The following CNTN5 variants were observed in gnomAD, a reference collection of about 807,000 sequenced individuals.
CNTN5 encodes contactin 5.
In CNTN5, 77 loss-of-function variants were observed where a neutral mutation model predicts 129.1. The ratio of observed to expected loss-of-function variants is 0.60; its 90% CI spans 0.50 to 0.72. The LOEUF is 0.72. Ranked by LOEUF, CNTN5 falls within the 30% of genes least tolerant of loss-of-function variation. The pLI is 0.00. For synonymous variants in CNTN5, 509 were observed against 465.6 expected (o/e 1.09, Z -1.20); for missense variants, 1,478 against 1,328.8 (o/e 1.11, Z -1.75).
intron 13 of CNTN5, among the ~76,000 whole-genome samples, chr11:100,158,673 A>C (rs1947338101): frequency 6.6e-6 from 1 of 151,876 alleles, no homozygotes; most frequent in Non-Finnish European, 1.5e-5. Context: ...CCAAATTAGG[A>C]AACATTTTAA....
At chr11:100,182,850 T>G (rs111723197) in intron 13 of CNTN5, among the ~76,000 whole-genome samples, 4,711 of 152,060 alleles carry the variant, frequency 0.031, 244 homozygotes, top group African/African-American at 0.11. Context: ...TGCCACAGAC[T>G]GGTAGAAAAT....
chr11:99,651,934 T>G (rs1477362572), intron 3 of CNTN5, among the ~76,000 whole-genome samples: 2 of 152,092 alleles, frequency 1.3e-5, no homozygotes, highest in African/African-American at 2.4e-5. Context: ...GAATGAAATT[T>G]ACTGACTACA....
intron 9 of CNTN5, among the ~76,000 whole-genome samples, chr11:100,042,586 C>T (rs755049560): frequency 1.3e-5 from 2 of 152,190 alleles, no homozygotes; most frequent in African/African-American, 4.8e-5. Flanking sequence ...TCTGCCTTGA[C>T]AGATTCTACA....
At chr11:99,382,323 A>G (rs1940616298) in intron 2 of CNTN5, among the ~76,000 whole-genome samples, 1 of 152,138 alleles carries the variant, frequency 6.6e-6, no homozygotes, top group South Asian at 2.1e-4. Context: ...ATGACCTAGA[A>G]GTGAAATCTG....
At chr11:100,228,885 G>A (rs1223179695) in intron 16 of CNTN5, among the ~76,000 whole-genome samples, 1 of 152,190 alleles carries the variant, frequency 6.6e-6, no homozygotes, top group African/African-American at 2.4e-5. Flanking sequence ...AAGCAGAGCT[G>A]TGGGGCTGGA....
chr11:99,252,939 C>A (rs1862186354), intron 1 of CNTN5, among the ~76,000 whole-genome samples: 2 of 133,774 alleles, frequency 1.5e-5, no homozygotes, highest in South Asian at 5.0e-4. Flanking sequence ...GATGCTATAG[C>A]AAGTTCTCTT....
In CNTN5 at chr11:99,722,076, A is replaced by G. The variant is rs1272036515; in HGVS notation, c.56-97468A>G. Among the ~76,000 whole-genome samples, 3 of 152,162 alleles carry G rather than the reference A, an allele frequency of 2.0e-5. No individual in the cohort carries two copies. The East Asian group carries it at 5.8e-4, about 29-fold the overall frequency. ...CCCATTGTGGGAAAGCAGTATAGCA[A>G]TTCCTGAAAGAGCTAAAAGTGGAAC... On this transcript the variant is annotated intron_variant, in intron 3 of 24. Coordinates refer to ENST00000524871, the MANE Select transcript of CNTN5 (RefSeq NM_014361.4).
intron 1 of CNTN5, among the ~76,000 whole-genome samples, chr11:99,305,127 C>T (rs1183937953): frequency 6.6e-6 from 1 of 152,136 alleles, no homozygotes. Flanking sequence ...AAGTACATCA[C>T]TCTAGGAGCA....
chr11:99,271,499 T>C (rs1023089531), intron 1 of CNTN5, among the ~76,000 whole-genome samples: 1 of 151,890 alleles, frequency 6.6e-6, no homozygotes, highest in African/African-American at 2.4e-5. Flanking sequence ...GTATTATTTA[T>C]TGCTACATAA....
At chr11:100,097,809 T>C (rs963384776) in intron 13 of CNTN5, among the ~76,000 whole-genome samples, 1 of 152,120 alleles carries the variant, frequency 6.6e-6, no homozygotes, top group African/African-American at 2.4e-5. Flanking sequence ...AAACAGCTAT[T>C]CATTTTTCAT....
intron 1 of CNTN5, among the ~76,000 whole-genome samples, chr11:99,047,539 A>G (rs1864263579): frequency 6.6e-6 from 1 of 152,170 alleles, no homozygotes; most frequent in Non-Finnish European, 1.5e-5. Context: ...AAGTAAGTAT[A>G]TAACATTTTG....
intron 2 of CNTN5, among the ~76,000 whole-genome samples, chr11:99,345,448 C>G (rs1449455428): frequency 6.6e-6 from 1 of 152,106 alleles, no homozygotes; most frequent in Non-Finnish European, 1.5e-5. Flanking sequence ...TATATCCAAA[C>G]CAAAACTTAT....
intron 1 of CNTN5, among the ~76,000 whole-genome samples, chr11:99,036,321 A>T (rs181283268): frequency 0.012 from 1,848 of 152,100 alleles, 37 homozygotes; most frequent in African/African-American, 0.042. Flanking sequence ...TTTTCCCAAG[A>T]TGGAGTTTCA....
intron 2 of CNTN5, among the ~76,000 whole-genome samples, chr11:99,361,350 A>T (rs1939098080): frequency 6.6e-6 from 1 of 152,128 alleles, no homozygotes; most frequent in African/African-American, 2.4e-5. Flanking sequence ...ATGCCCCTTA[A>T]AGAGCTTTTG....
At chr11:99,999,805 C>T (rs1939737221) in intron 8 of CNTN5, among the ~76,000 whole-genome samples, 1 of 152,022 alleles carries the variant, frequency 6.6e-6, no homozygotes, top group South Asian at 2.1e-4. Context: ...GGCACATATA[C>T]ACCATGGAAT....
chr11:99,708,771 A>G (rs1163012576), intron 3 of CNTN5, among the ~76,000 whole-genome samples: 1 of 151,670 alleles, frequency 6.6e-6, no homozygotes, highest in Non-Finnish European at 1.5e-5. Flanking sequence ...CTTACACTCA[A>G]TGGGGCTGAA....
intron 4 of CNTN5, among the ~76,000 whole-genome samples, chr11:99,841,003 A>G (rs1947470826): frequency 6.6e-6 from 1 of 152,166 alleles, no homozygotes; most frequent in Admixed American, 6.5e-5. Context: ...AGCTGTACGT[A>G]GACATGTTTC....
chr11:99,422,556 A>C (rs1381102562), intron 2 of CNTN5, among the ~76,000 whole-genome samples: 2 of 122,260 alleles, frequency 1.6e-5, no homozygotes. Context: ...ATATATATAT[A>C]TATATCTGTA....
At chr11:99,240,578 C>T (rs1367120092) in intron 1 of CNTN5, among the ~76,000 whole-genome samples, 2 of 151,666 alleles carry the variant, frequency 1.3e-5, no homozygotes, top group African/African-American at 4.8e-5. Context: ...CTTCATCTTC[C>T]TCCGCCTTTA....
Sources: gnomAD v4.1 joint callset for allele counts (sites outside exome capture counted in the v4.1 genomes callset) on GRCh38, gnomAD v4.1.1 for gene constraint, MANE v1.5 for transcripts, NCBI Gene and HGNC (gene_info 2026-07-23, HGNC 2026-07-21) for gene names.